The following TMEFF2 variants were observed in gnomAD, a reference collection of about 807,000 sequenced individuals.
TMEFF2 encodes transmembrane protein with EGF like and two follistatin like domains 2, also known as tomoregulin-2.
In TMEFF2, 28 loss-of-function variants were observed where a neutral mutation model predicts 53.8. The observed-to-expected ratio is 0.52, with a 90% CI of 0.39 to 0.71. TMEFF2 has a LOEUF of 0.71. Among genes scored for constraint, TMEFF2 ranks in the 30% least tolerant of loss-of-function variants. The pLI, the probability that TMEFF2 is intolerant of heterozygous loss-of-function variation, is 0.00. For synonymous variants in TMEFF2, 162 were observed against 166.3 expected, an observed-to-expected ratio of 0.97 and a Z score of 0.20; for missense variants, 353 against 455.2, an observed-to-expected ratio of 0.78 and a Z score of 2.04.
chr2:191,998,340 A>C lies in TMEFF2; in HGVS notation c.686-19T>G, dbSNP rs1005433392. On this transcript the variant is annotated intron_variant, in intron 6 of 9. Transcript: ENST00000272771. Reference sequence around the variant, plus strand: ...GTGTTATCTGTGTTAAAAAATTAACAATAAAAATTGATTAACTGCTTCCTA... The same window carrying C: ...GTGTTATCTGTGTTAAAAAATTAACCATAAAAATTGATTAACTGCTTCCTA... The C allele has an allele frequency of 6.4e-7, 1 of 1,553,664 alleles. No individual in the cohort carries two copies. The highest frequency in any genetic ancestry group is 1.4e-5 in the African/African-American group (1 of 72,626).
intron 4 of TMEFF2, among the ~76,000 whole-genome samples, chr2:192,167,686 G>A (rs1162966532): frequency 1.3e-5 from 2 of 152,088 alleles, no homozygotes; most frequent in Non-Finnish European, 2.9e-5. Flanking sequence ...AGTTTCATGT[G>A]TGAAGCAAAC....
intron 5 of TMEFF2, among the ~76,000 whole-genome samples, chr2:192,042,625 T>C (rs887759112): frequency 6.6e-6 from 1 of 152,338 alleles, no homozygotes; most frequent in African/African-American, 2.4e-5. Context: ...AGGCTGAATT[T>C]ATTGATATGA....
chr2:192,032,351 C>T (rs2105874058), intron 5 of TMEFF2: 1 of 152,234 alleles, frequency 6.6e-6, no homozygotes, highest in South Asian at 2.1e-4. Context: ...ACCCTTTTGG[C>T]TTTGCAACAC....
chr2:192,039,462 AG>A, intron 5 of TMEFF2, among the ~76,000 whole-genome samples: 1 of 152,332 alleles, frequency 6.6e-6, no homozygotes, highest in East Asian at 1.9e-4. Context: ...AATTAAAGCA[AG>A]GATATTTATC....
chr2:192,081,399 A>C (rs536217326), intron 4 of TMEFF2, among the ~76,000 whole-genome samples: 1 of 152,338 alleles, frequency 6.6e-6, no homozygotes, highest in African/African-American at 2.4e-5. Flanking sequence ...ACGAGCTGGA[A>C]GTAATTTCTT....
chr2:191,998,366 A>AATATCTAATATCAAAC, intron 6 of TMEFF2, 45 bp from the exon 7 acceptor site: 1 of 1,315,156 alleles, frequency 7.6e-7, no homozygotes, highest in Non-Finnish European at 1.1e-6. Context: ...CTGCTTCCTA[A>AATATCTAATATCAAAC]ATATCTAATA....
At chr2:191,956,161 A>G in intron 8 of TMEFF2, 94 bp downstream of exon 8, 1 of 1,377,766 alleles carries the variant, frequency 7.3e-7, no homozygotes, top group South Asian at 1.5e-5. Flanking sequence ...TACCCATTCA[A>G]GAAGAATGTC....
At chr2:192,177,926 G>A (rs1691090689) in intron 4 of TMEFF2, 1 of 150,948 alleles carries the variant, frequency 6.6e-6, no homozygotes, top group African/African-American at 2.4e-5. Context: ...CTAGAAACTA[G>A]TATGTGAAAC....
At chr2:192,145,665 G>C (rs1295842949) in intron 4 of TMEFF2, among the ~76,000 whole-genome samples, 2 of 151,866 alleles carry the variant, frequency 1.3e-5, no homozygotes, top group Non-Finnish European at 2.9e-5. Context: ...CATGGCTAAG[G>C]TCACAGATTC....
chr2:192,021,047 T>C (rs1211635845), intron 5 of TMEFF2, among the ~76,000 whole-genome samples: 1 of 152,196 alleles, frequency 6.6e-6, no homozygotes, highest in Non-Finnish European at 1.5e-5. Flanking sequence ...TTCAGAGTAG[T>C]TTGAAAAGCA....
rs111870644 is a variant in TMEFF2 at position 191,967,985 on chromosome 2, T to C, written c.746-11607A>G. The stretch of plus-strand genomic sequence containing the variant: ...AGAACACTCCACTCCATGTATGGCC[T>C]GTGTGCCTGTAACAAGTGCCAACAT... On this transcript the variant is annotated intron_variant, in intron 7 of 9. Transcript: ENST00000272771. Among the ~76,000 whole-genome samples, 450 of 152,330 alleles carry C rather than the reference T, an allele frequency of 3.0e-3. 5 individuals are homozygous for C. The highest frequency in any genetic ancestry group is 0.01 in the African/African-American group (420 of 41,582).
chr2:192,142,554 A>G lies in TMEFF2; in HGVS notation c.439+37114T>C, dbSNP rs182310800. Among the ~76,000 whole-genome samples, 15 of 152,262 alleles carry G rather than the reference A, an allele frequency of 9.9e-5. No individual in the cohort carries two copies. In the East Asian group the frequency reaches 2.9e-3, roughly 29 times the overall value. ...ATTACGGAATCCCATAATGACTGGA[A>G]TTATGGAATTATGGACTGGAATTAT... On this transcript the variant is annotated intron_variant, in intron 4 of 9. Transcript: ENST00000272771.
At chr2:191,985,561 A>C (rs1050969532) in intron 7 of TMEFF2, among the ~76,000 whole-genome samples, 1 of 152,212 alleles carries the variant, frequency 6.6e-6, no homozygotes. Flanking sequence ...CATTAACACA[A>C]ATTTATCAGA....
intron 4 of TMEFF2, among the ~76,000 whole-genome samples, chr2:192,089,918 T>G (rs1056342431): frequency 2.6e-5 from 4 of 152,128 alleles, no homozygotes; most frequent in African/African-American, 9.7e-5. Context: ...CATAAGCATA[T>G]TCTTTTCTCC....
intron 5 of TMEFF2, among the ~76,000 whole-genome samples, chr2:192,028,356 G>A (rs893253332): frequency 6.6e-6 from 1 of 152,164 alleles, no homozygotes; most frequent in South Asian, 2.1e-4. Context: ...AGTAAGTAAG[G>A]AGGAAGCAGA....
At chr2:192,100,814 A>G (rs997066017) in intron 4 of TMEFF2, among the ~76,000 whole-genome samples, 1 of 152,220 alleles carries the variant, frequency 6.6e-6, no homozygotes, top group Non-Finnish European at 1.5e-5. Flanking sequence ...CAGATTATAT[A>G]TTATAGTTCA....
intron 5 of TMEFF2, among the ~76,000 whole-genome samples, chr2:192,054,080 AGCCCT>A (rs1175434625): frequency 2.6e-5 from 4 of 151,936 alleles, no homozygotes; most frequent in African/African-American, 9.7e-5. Context: ...CTGCCCCTAC[AGCCCT>A]CTAATCTTCA....
intron 5 of TMEFF2, among the ~76,000 whole-genome samples, chr2:192,057,365 C>T (rs1171590470): frequency 6.6e-6 from 1 of 152,098 alleles, no homozygotes; most frequent in Non-Finnish European, 1.5e-5. Context: ...ACACCTGGCT[C>T]TGATGATACT....
chr2:192,087,178 T>C (rs1688686803), intron 4 of TMEFF2, among the ~76,000 whole-genome samples: 1 of 152,012 alleles, frequency 6.6e-6, no homozygotes. Flanking sequence ...TGTCTGTTCA[T>C]TCAGAAAAAC....
Sources: allele counts gnomAD v4.1 joint callset (sites outside exome capture counted in the v4.1 genomes callset), GRCh38; gene constraint gnomAD v4.1.1; transcripts MANE v1.5; gene names NCBI Gene and HGNC (gene_info 2026-07-23, HGNC 2026-07-21).